TRIM36: variants seen among roughly 807,000 people sequenced by gnomAD.
TRIM36 encodes E3 ubiquitin-protein ligase TRIM36.
A neutral mutation model predicts 72.4 loss-of-function variants in TRIM36; 42 were observed. That is an observed-to-expected ratio of 0.58 (90% CI 0.45 to 0.75). TRIM36 has a LOEUF of 0.75. TRIM36 is among the 30% of genes least tolerant of loss of function. The pLI is 0.00. For missense variants in TRIM36, 913 were observed against 857.1 expected (o/e 1.07, Z -0.81); for synonymous variants, 315 against 282.8 (o/e 1.11, Z -1.14).
At position 115,137,473 on chromosome 5, in the gene TRIM36, T is replaced by C. The variant is rs1384587436; in HGVS notation, c.975A>G (p.Glu325=). Residue 325 remains glutamate, a synonymous_variant, in exon 6 of 10, where the codon GAA becomes GAG. Coordinates refer to ENST00000513154, the MANE Select transcript of TRIM36 (RefSeq NM_001300759.2). ...LRLDKFQTQM[E]EYQGLLENNG... is the part of the protein sequence containing the mutation. ...TGTTCTCTAGAAGTCCCTGGTACTCTTCCATTTGAGTCTGAAATTTGTCTA... is the reference window on the plus strand; with the variant it reads ...TGTTCTCTAGAAGTCCCTGGTACTCCTCCATTTGAGTCTGAAATTTGTCTA... The C allele has an allele frequency of 1.2e-6, 2 of 1,614,204 alleles. No homozygotes were observed. Among genetic ancestry groups the C allele is most frequent in the Non-Finnish European group, 1.7e-6 (2 of 1,180,028 alleles).
intron 8 of TRIM36, among the ~76,000 whole-genome samples, chr5:115,133,424 A>T (rs1014239797): frequency 2.6e-5 from 4 of 152,140 alleles, no homozygotes; most frequent in East Asian, 1.9e-4. Context: ...CTAGTTAGAT[A>T]AAAAAATCCA....
chr5:115,133,525 C>T (rs150423346), intron 8 of TRIM36, among the ~76,000 whole-genome samples: 1 of 152,052 alleles, frequency 6.6e-6, no homozygotes, highest in African/African-American at 2.4e-5. Context: ...TTCCATAAAC[C>T]AAAAATACAG....
chr5:115,146,675 AAT>A (rs1327520905), intron 3 of TRIM36, among the ~76,000 whole-genome samples: 2 of 152,228 alleles, frequency 1.3e-5, no homozygotes, highest in African/African-American at 4.8e-5. Flanking sequence ...ATGCAACAAA[AAT>A]ATGTTTCGCA....
At chr5:115,131,190 A>AC (rs1186573063) in intron 8 of TRIM36, among the ~76,000 whole-genome samples, 1 of 152,236 alleles carries the variant, frequency 6.6e-6, no homozygotes, top group African/African-American at 2.4e-5. Context: ...CAGGTATTTC[A>AC]CACTATTGAA....
chr5:115,177,628 G>A (rs933613582), intron 1 of TRIM36: 2 of 1,540,296 alleles, frequency 1.3e-6, no homozygotes, highest in Non-Finnish European at 8.7e-7. Context: ...GGGGCTGCGG[G>A]GCGGGGCAGG....
At chr5:115,131,069 T>C (rs1463582593) in intron 8 of TRIM36, among the ~76,000 whole-genome samples, 180 bp from the exon 9 acceptor site, 2 of 152,186 alleles carry the variant, frequency 1.3e-5, no homozygotes, top group Admixed American at 6.5e-5. Flanking sequence ...TTATCCAGTA[T>C]ATTGTCTACC....
chr5:115,162,334 A>G (rs1374162306), intron 2 of TRIM36, among the ~76,000 whole-genome samples: 1 of 152,218 alleles, frequency 6.6e-6, no homozygotes, highest in Admixed American at 6.5e-5. Context: ...TCCAAAAGAC[A>G]AATGCCATTA....
At chr5:115,143,496 T>C (rs1753397294) in intron 4 of TRIM36, among the ~76,000 whole-genome samples, 1 of 150,774 alleles carries the variant, frequency 6.6e-6, no homozygotes, top group African/African-American at 2.4e-5. Flanking sequence ...TAAACTTTAA[T>C]TAAAAAAAAA....
chr5:115,150,999 TG>T (rs1195775732), intron 2 of TRIM36, among the ~76,000 whole-genome samples: 2 of 152,254 alleles, frequency 1.3e-5, no homozygotes, highest in East Asian at 1.9e-4. Context: ...AGCTAAAGTT[TG>T]TAACAATTTG....
In TRIM36 at chr5:115,131,000, G is replaced by A. The variant is rs896424000; in HGVS notation, c.1499-111C>T. 3 of 1,255,782 alleles carry A rather than the reference G, an allele frequency of 2.4e-6. No individual in the cohort carries two copies. In the African/African-American group the frequency reaches 4.5e-5, roughly 19 times the overall value. 77.8% of individuals were successfully genotyped at this position (1,255,782 alleles called of 1,614,324 possible). A position where few individuals can be genotyped will look rare whatever the true frequency, so the allele number is the denominator to read the frequency against. ...CTGAAGAGAGACAGGAAGCGGGAAG[G>A]AGGTGTCACACTACCCCGGACAACT... is the stretch of plus-strand genomic sequence containing the variant. On this transcript the variant is annotated intron_variant, in intron 8 of 9. Coordinates refer to ENST00000513154, the MANE Select transcript of TRIM36 (RefSeq NM_001300759.2).
rs1284901072 is a variant in TRIM36, at chr5:115,126,995, A to T, written c.1797-138T>A. The T allele has an allele frequency of 3.3e-6, 3 of 901,318 alleles. No homozygotes were observed. In the Admixed American group the frequency reaches 9.3e-5, roughly 28 times the overall value. The allele number at this position is 901,318 out of a possible 1,614,324, so 55.8% of individuals were successfully genotyped here. On this transcript the variant is annotated intron_variant, in intron 9 of 9. Transcript: ENST00000513154. ...AGCTTTCTATTAAAACAAAATCAAA[A>T]ACATAAAAATGACACATTACAATTT...
chr5:115,164,233 G>GT (rs761611148), intron 1 of TRIM36, among the ~76,000 whole-genome samples: 9 of 152,138 alleles, frequency 5.9e-5, no homozygotes, highest in Non-Finnish European at 1.3e-4. Context: ...AACCTAGTTG[G>GT]TATCTATTTA....
At chr5:115,169,506 C>T (rs1754973755) in intron 1 of TRIM36, 102 bp downstream of exon 1, 1 of 1,319,684 alleles carries the variant, frequency 7.6e-7, no homozygotes. Flanking sequence ...CCTTTGCTCT[C>T]CCGGGAGGAG....
At chr5:115,179,345 T>A (rs1454554844) in intron 1 of TRIM36, among the ~76,000 whole-genome samples, 1 of 152,170 alleles carries the variant, frequency 6.6e-6, no homozygotes, top group Admixed American at 6.5e-5. Context: ...GGTGTGGGGC[T>A]GAAATCCCGC....
rs111783047 is a variant in TRIM36, at chr5:115,155,263, G to A, written c.263-7869C>T. 1.1e-4 allele frequency among the ~76,000 whole-genome samples: 17 copies of A among 152,132 alleles called. 1 individual carries two copies. Among genetic ancestry groups the A allele is most frequent in the African/African-American group, 3.1e-4 (13 of 41,512 alleles). Reference sequence around the variant, plus strand: ...CTCAGGAGGCTGAGACAGGAGAATCGCTTGAACCAGGGAGGCACAGGTTGC... The same window carrying A: ...CTCAGGAGGCTGAGACAGGAGAATCACTTGAACCAGGGAGGCACAGGTTGC... On this transcript the variant is annotated intron_variant, in intron 2 of 9. Transcript: ENST00000513154.
intron 1 of TRIM36, among the ~76,000 whole-genome samples, chr5:115,176,734 G>A (rs1755357815): frequency 6.6e-6 from 1 of 152,072 alleles, no homozygotes; most frequent in Admixed American, 6.6e-5. Context: ...CAAAACAGTT[G>A]GAAAATACTG....
intron 7 of TRIM36, among the ~76,000 whole-genome samples, chr5:115,136,301 C>CAT (rs1277619504): frequency 7.2e-5 from 1 of 13,924 alleles, no homozygotes; most frequent in African/African-American, 2.0e-4. Context: ...CTCTCTCACA[C>CAT]ACACACAGAG....
At chr5:115,171,269 T>G (rs780649802), upstream of TRIM36, 1 of 1,610,080 alleles carries the variant, frequency 6.2e-7, no homozygotes. Context: ...CTATAGCAAT[T>G]TTCTCTAATG....
At chr5:115,160,674 A>G (rs1440734100) in intron 2 of TRIM36, among the ~76,000 whole-genome samples, 1 of 152,168 alleles carries the variant, frequency 6.6e-6, no homozygotes, top group Non-Finnish European at 1.5e-5. Context: ...CTTCTTCTCC[A>G]CAAAAAAAAT....
Sources: allele counts gnomAD v4.1 joint callset (sites outside exome capture counted in the v4.1 genomes callset), GRCh38; gene constraint gnomAD v4.1.1; transcripts MANE v1.5; gene names NCBI Gene and HGNC (gene_info 2026-07-23, HGNC 2026-07-21).